The following GALNTL6 variants were observed in gnomAD, a reference collection of about 807,000 sequenced individuals.
GALNTL6 encodes the protein polypeptide N-acetylgalactosaminyltransferase like 6.
GALNTL6 carries 46 observed loss-of-function variants against 73.7 expected under a neutral mutation model. That is an observed-to-expected ratio of 0.62 (90% CI 0.49 to 0.80). The LOEUF is 0.80. Among genes scored for constraint, GALNTL6 ranks in the 30% least tolerant of loss-of-function variants. The pLI is 0.00. For missense variants in GALNTL6, 604 were observed against 755.0 expected (o/e 0.80, Z 2.34); for synonymous variants, 259 against 263.7 (o/e 0.98, Z 0.17).
chr4:171,822,513 T>C (rs952453087), intron 2 of GALNTL6, among the ~76,000 whole-genome samples: 1 of 152,204 alleles, frequency 6.6e-6, no homozygotes, highest in South Asian at 2.1e-4. Flanking sequence ...AATTGCTTGG[T>C]ACATGGTAAA....
chr4:172,627,832 G>A (rs78596547), intron 5 of GALNTL6, among the ~76,000 whole-genome samples: 4,915 of 151,802 alleles, frequency 0.032, 128 homozygotes, highest in South Asian at 0.089. Context: ...TTGTATTTCT[G>A]TAAGATTGGT....
chr4:172,104,830 T>C (rs765540709), intron 2 of GALNTL6, among the ~76,000 whole-genome samples: 1 of 152,268 alleles, frequency 6.6e-6, no homozygotes. Flanking sequence ...CGTAGAAAAC[T>C]CATGCTGAAA....
chr4:172,234,044 CG>C (rs1737162149), intron 3 of GALNTL6, among the ~76,000 whole-genome samples: 1 of 151,840 alleles, frequency 6.6e-6, no homozygotes, highest in Admixed American at 6.6e-5. Context: ...TGAAATTCCT[CG>C]TTGTTTGTAG....
intron 3 of GALNTL6, among the ~76,000 whole-genome samples, chr4:172,265,164 G>A (rs1738408894): frequency 6.6e-6 from 1 of 152,010 alleles, no homozygotes; most frequent in Admixed American, 6.6e-5. Context: ...GTTGAGAAGG[G>A]GATGGTAATC....
At chr4:172,219,689 CCCTTTTAAGATTT>C (rs1210270623) in intron 2 of GALNTL6, among the ~76,000 whole-genome samples, 1 of 151,882 alleles carries the variant, frequency 6.6e-6, no homozygotes, top group Admixed American at 6.6e-5. Flanking sequence ...CGGTCCAAGA[CCCTTTTAAGATTT>C]AGATTTTAAG....
At chr4:172,720,945 T>G (rs1735433563) in intron 5 of GALNTL6, among the ~76,000 whole-genome samples, 1 of 152,228 alleles carries the variant, frequency 6.6e-6, no homozygotes, top group African/African-American at 2.4e-5. Context: ...TGATTCCTCT[T>G]AATAGAATTA....
intron 5 of GALNTL6, among the ~76,000 whole-genome samples, chr4:172,598,413 A>G (rs1737941789): frequency 6.6e-6 from 1 of 152,178 alleles, no homozygotes; most frequent in Non-Finnish European, 1.5e-5. Flanking sequence ...CCTTCGAGAT[A>G]ACTGCCATTA....
At chr4:172,426,685 G>C (rs889737496) in intron 5 of GALNTL6, among the ~76,000 whole-genome samples, 3 of 152,068 alleles carry the variant, frequency 2.0e-5, no homozygotes, top group Non-Finnish European at 4.4e-5. Context: ...AGGGAAGCAT[G>C]GTTTATTTAC....
intron 2 of GALNTL6, among the ~76,000 whole-genome samples, chr4:172,038,332 T>C (rs1196145241): frequency 1.6e-5 from 2 of 123,334 alleles, no homozygotes; most frequent in Non-Finnish European, 3.7e-5. Context: ...TAAGTATTTT[T>C]TTCTTCTCTT....
chr4:171,869,710 T>A (rs1414306847), intron 2 of GALNTL6, among the ~76,000 whole-genome samples: 1 of 152,172 alleles, frequency 6.6e-6, no homozygotes, highest in Non-Finnish European at 1.5e-5. Context: ...ATAATTCACA[T>A]GTGTTGCGGG....
intron 12 of GALNTL6, among the ~76,000 whole-genome samples, chr4:173,035,201 GC>G (rs1579809598): frequency 9.1e-6 from 1 of 109,480 alleles, no homozygotes; most frequent in East Asian, 2.4e-4. Flanking sequence ...TTTTTGAGTT[GC>G]AGTTTCGCTC....
At chr4:172,599,014 T>C (rs900196115) in intron 5 of GALNTL6, among the ~76,000 whole-genome samples, 2 of 152,032 alleles carry the variant, frequency 1.3e-5, no homozygotes. Context: ...GAGAAAGGTA[T>C]GGGAAGGAGA....
At chr4:172,623,773 T>C (rs932358204) in intron 5 of GALNTL6, among the ~76,000 whole-genome samples, 6 of 152,140 alleles carry the variant, frequency 3.9e-5, no homozygotes, top group South Asian at 4.1e-4. Context: ...TGTTCTAACA[T>C]TGTGTGTGAA....
At chr4:172,200,873 C>T (rs1167378802) in intron 2 of GALNTL6, among the ~76,000 whole-genome samples, 1 of 152,170 alleles carries the variant, frequency 6.6e-6, no homozygotes, top group Non-Finnish European at 1.5e-5. Context: ...ATAACACAGA[C>T]TCCAAAGTGT....
intron 2 of GALNTL6, among the ~76,000 whole-genome samples, chr4:172,110,917 A>T (rs1376207069): frequency 6.6e-6 from 1 of 152,080 alleles, no homozygotes; most frequent in Non-Finnish European, 1.5e-5. Context: ...TGGAGCTAAC[A>T]GTTCATTTGT....
At position 172,805,809 on chromosome 4, in the gene GALNTL6, G is replaced by A. The variant is rs188977302; in HGVS notation, c.554-3552G>A. Among the ~76,000 whole-genome samples, 502 of 152,126 alleles carry A rather than the reference G, an allele frequency of 3.3e-3. 1 individual carries two copies. The highest frequency in any genetic ancestry group is 5.6e-3 in the Non-Finnish European group (380 of 67,980). On this transcript the variant is annotated intron_variant, in intron 5 of 12. Transcript: ENST00000506823. ...ACCCTTGACTAAAATATGGTCTTTTGTCTGACATTTGCTTCAAAATAAGAG... is the reference window on the plus strand; with the variant it reads ...ACCCTTGACTAAAATATGGTCTTTTATCTGACATTTGCTTCAAAATAAGAG...
At chr4:172,659,172 C>T (rs948204777) in intron 5 of GALNTL6, among the ~76,000 whole-genome samples, 2 of 152,098 alleles carry the variant, frequency 1.3e-5, no homozygotes, top group East Asian at 1.9e-4. Flanking sequence ...AAGGGTCAAG[C>T]TTTTGGGGCA....
chr4:172,844,813 A>G (rs1242940244), intron 7 of GALNTL6, among the ~76,000 whole-genome samples: 1 of 152,234 alleles, frequency 6.6e-6, no homozygotes, highest in Non-Finnish European at 1.5e-5. Context: ...TAGATTCATC[A>G]GGGACTTATT....
At chr4:172,779,348 A>G (rs1212651502) in intron 5 of GALNTL6, among the ~76,000 whole-genome samples, 2 of 152,168 alleles carry the variant, frequency 1.3e-5, no homozygotes, top group Admixed American at 6.5e-5. Context: ...TTGAAGGTCT[A>G]AGCCTCAACT....
Sources: allele counts gnomAD v4.1 joint callset (sites outside exome capture counted in the v4.1 genomes callset), GRCh38; gene constraint gnomAD v4.1.1; transcripts MANE v1.5; gene names NCBI Gene and HGNC (gene_info 2026-07-23, HGNC 2026-07-21).